The following TMEM108 variants were observed in gnomAD, a reference collection of about 807,000 sequenced individuals.
The protein encoded by TMEM108 is transmembrane protein 108, also known as cancer/testis antigen 124.
Under a neutral mutation model 35.1 loss-of-function variants are expected in TMEM108, and 12 were observed. The ratio of observed to expected loss-of-function variants is 0.34; its 90% confidence interval spans 0.22 to 0.55. The LOEUF is 0.55. Ranked by LOEUF, TMEM108 falls within the 20% of genes least tolerant of loss-of-function variation. The pLI is 0.89. For synonymous variants in TMEM108, 287 were observed against 308.6 expected (o/e 0.93, Z 0.73); for missense variants, 680 against 753.3 (o/e 0.90, Z 1.14).
Position 133,380,209 on chromosome 3 carries a change from C to G in TMEM108, c.498C>G (p.Pro166=). 5 of 1,611,808 alleles carry G rather than the reference C, an allele frequency of 3.1e-6. No individual in the cohort carries two copies. Among genetic ancestry groups the G allele is most frequent in the Non-Finnish European group, 3.4e-6 (4 of 1,178,810 alleles). Residue 166 remains proline (P), a synonymous_variant, in exon 4 of 6, where the codon CCC becomes CCG. Coordinates refer to ENST00000321871, the MANE Select transcript of TMEM108 (RefSeq NM_023943.4). The surrounding 1 kb of genome is among the most constrained non-coding windows in gnomAD (Gnocchi z 5.3). The stretch of plus-strand genomic sequence containing the variant: ...CCCGCACTACCACACGCAGGCCCCC[C>G]AGGCCCCCAGGCTCTTCCCGAAAAG... ...APPRTTTRRP[P]RPPGSSRKGA...
At chr3:133,156,584 G>A (rs1443124874) in intron 2 of TMEM108, among the ~76,000 whole-genome samples, 1 of 152,204 alleles carries the variant, frequency 6.6e-6, no homozygotes, top group Non-Finnish European at 1.5e-5. Context: ...AAAATGGGAT[G>A]CAGATAGAAC....
intron 2 of TMEM108, among the ~76,000 whole-genome samples, chr3:133,113,124 A>C (rs2107726602): frequency 1.3e-5 from 2 of 152,256 alleles, no homozygotes; most frequent in East Asian, 3.9e-4. Flanking sequence ...AAGTGGTGGA[A>C]GGAGGGTTTT....
chr3:133,243,838 A>G (rs953312048), intron 3 of TMEM108, among the ~76,000 whole-genome samples: 1 of 152,088 alleles, frequency 6.6e-6, no homozygotes, highest in Non-Finnish European at 1.5e-5. Context: ...GTCTTTTTTA[A>G]TGAGTGTCGT....
intron 1 of TMEM108, among the ~76,000 whole-genome samples, chr3:133,043,896 T>C (rs887014572): frequency 3.3e-5 from 5 of 152,230 alleles, no homozygotes; most frequent in Non-Finnish European, 5.9e-5. Flanking sequence ...TTCCTAATTG[T>C]TTCCAAATAA....
At chr3:133,133,045 T>C (rs941756967) in intron 2 of TMEM108, among the ~76,000 whole-genome samples, 1 of 152,234 alleles carries the variant, frequency 6.6e-6, no homozygotes, top group African/African-American at 2.4e-5. Flanking sequence ...TTGCTGCTTA[T>C]GGATGAGCAA....
chr3:133,267,147 C>G (rs1414162775), intron 3 of TMEM108, among the ~76,000 whole-genome samples: 4 of 151,574 alleles, frequency 2.6e-5, no homozygotes, highest in African/African-American at 9.7e-5. Context: ...CATTCTAGTG[C>G]AATTGACTCG....
At chr3:133,286,095 C>A (rs1913283) in intron 3 of TMEM108, among the ~76,000 whole-genome samples, 147,000 of 152,292 alleles carry the variant, frequency 0.97, 71,138 homozygotes, top group East Asian at 1. Context: ...ATAGGTTTTC[C>A]GTAAATGTGC....
At chr3:133,264,987 G>A (rs772335820) in intron 3 of TMEM108, among the ~76,000 whole-genome samples, 6 of 152,200 alleles carry the variant, frequency 3.9e-5, no homozygotes, top group Non-Finnish European at 8.8e-5. Flanking sequence ...CACTGTAGCA[G>A]CAGTCCGGAG....
At chr3:133,214,605 A>G (rs907713424) in intron 2 of TMEM108, among the ~76,000 whole-genome samples, 3 of 152,182 alleles carry the variant, frequency 2.0e-5, no homozygotes, top group Admixed American at 6.5e-5. Context: ...GTCTCACAAA[A>G]TATTTTAAAT....
At chr3:133,329,583 C>A (rs1204821282) in intron 3 of TMEM108, among the ~76,000 whole-genome samples, 1 of 152,194 alleles carries the variant, frequency 6.6e-6, no homozygotes, top group African/African-American at 2.4e-5. Flanking sequence ...CTTTGAGCAG[C>A]TTTGCTAATC....
intron 2 of TMEM108, among the ~76,000 whole-genome samples, chr3:133,111,090 A>T (rs1457788342): frequency 6.6e-6 from 1 of 152,168 alleles, no homozygotes; most frequent in East Asian, 1.9e-4. Flanking sequence ...CCTGTCTTTC[A>T]GTTCCATAGT....
chr3:133,378,615 C>T lies in TMEM108; in HGVS notation c.41-1137C>T, dbSNP rs2072912606. On this transcript the variant is annotated intron_variant, in intron 3 of 5. Coordinates refer to ENST00000321871, the MANE Select transcript of TMEM108 (RefSeq NM_023943.4). ...TCCTCAGCCGTAGAGACAGGCTCTT[C>T]CCAACCCATGTGTTGTCAACGGCTC... 7.8e-6 allele frequency: 7 copies of T among 900,722 alleles called. No homozygotes were observed. In the South Asian group the frequency reaches 3.1e-4, roughly 39 times the overall value. The allele number at this position is 900,722 out of a possible 1,614,324, so 55.8% of individuals were successfully genotyped here. A position where few individuals can be genotyped will look rare whatever the true frequency, so the allele number is the denominator to read the frequency against.
chr3:133,061,074 T>G (rs1484210401), intron 2 of TMEM108, among the ~76,000 whole-genome samples: 1 of 152,178 alleles, frequency 6.6e-6, no homozygotes, highest in Non-Finnish European at 1.5e-5. Flanking sequence ...TACATAAAAT[T>G]GTTTGTAAAT....
chr3:133,343,391 A>G (rs1314294650), intron 3 of TMEM108, among the ~76,000 whole-genome samples: 1 of 151,918 alleles, frequency 6.6e-6, no homozygotes, highest in Non-Finnish European at 1.5e-5. Context: ...TTGAAAATAT[A>G]TGTTCTACAA....
chr3:133,197,553 C>G (rs1346851244), intron 2 of TMEM108, among the ~76,000 whole-genome samples: 1 of 152,100 alleles, frequency 6.6e-6, no homozygotes, highest in East Asian at 1.9e-4. Context: ...AGGACTTGCC[C>G]CCAGGGATAT....
At chr3:133,165,249 G>C (rs954840129) in intron 2 of TMEM108, among the ~76,000 whole-genome samples, 4 of 152,116 alleles carry the variant, frequency 2.6e-5, no homozygotes, top group African/African-American at 9.7e-5. Flanking sequence ...ACCCTTTCCT[G>C]GTGAGGGAGG....
chr3:133,372,395 T>C (rs938138538), intron 3 of TMEM108, among the ~76,000 whole-genome samples: 1 of 152,118 alleles, frequency 6.6e-6, no homozygotes, highest in Non-Finnish European at 1.5e-5. Flanking sequence ...GAGCTGAAAA[T>C]TTGTCATTCT....
chr3:133,281,953 C>G (rs370920682), intron 3 of TMEM108, among the ~76,000 whole-genome samples: 44 of 152,180 alleles, frequency 2.9e-4, no homozygotes, highest in African/African-American at 9.4e-4. Context: ...GTCAGGAGAT[C>G]GAGACCATCC....
At chr3:133,089,572 A>G (rs16839977) in intron 2 of TMEM108, among the ~76,000 whole-genome samples, 9,579 of 152,198 alleles carry the variant, frequency 0.063, 1,023 homozygotes, top group African/African-American at 0.22. Context: ...GTCACTTCAT[A>G]TAAATAGTAA....
Sources: gnomAD v4.1 joint callset for allele counts (sites outside exome capture counted in the v4.1 genomes callset) on GRCh38, gnomAD v4.1.1 for gene constraint, Gnocchi (gnomAD v3.1) non-coding constraint, MANE v1.5 for transcripts, NCBI Gene and HGNC (gene_info 2026-07-23, HGNC 2026-07-21) for gene names.